The following ELP4 variants were observed in gnomAD, a reference collection of about 807,000 sequenced individuals.
ELP4 encodes the protein elongator complex protein 4.
Under a neutral mutation model 48.9 loss-of-function variants are expected in ELP4, and 51 were observed. The ratio of observed to expected loss-of-function variants is 1.04; its 90% CI spans 0.83 to 1.32. The LOEUF (loss-of-function observed/expected upper bound fraction) is 1.32. Among genes scored for constraint, ELP4 ranks in the 40% most tolerant of loss-of-function variants. The pLI, the probability that ELP4 is intolerant of heterozygous loss-of-function variation, is 0.00. For synonymous variants in ELP4, 210 were observed against 189.2 expected (o/e 1.11, Z -0.90); for missense variants, 519 against 514.6 (o/e 1.01, Z -0.08).
intron 9 of ELP4, among the ~76,000 whole-genome samples, chr11:31,753,020 C>A (rs1460786001): frequency 6.6e-6 from 1 of 152,090 alleles, no homozygotes; most frequent in Non-Finnish European, 1.5e-5. Context: ...GTATAAGGGT[C>A]ATCGAGAAGA....
chr11:31,716,292 C>G (rs1391255815), intron 9 of ELP4, among the ~76,000 whole-genome samples: 1 of 152,158 alleles, frequency 6.6e-6, no homozygotes, highest in African/African-American at 2.4e-5. Flanking sequence ...GGATTGCAGG[C>G]ACAAGCCACC....
At chr11:31,769,987 G>T (rs773103343) in intron 9 of ELP4, among the ~76,000 whole-genome samples, 5 of 152,120 alleles carry the variant, frequency 3.3e-5, no homozygotes, top group Non-Finnish European at 7.4e-5. Context: ...GGGTAGGAAA[G>T]GTACTTCCTA....
chr11:31,725,051 A>G (rs570037964), intron 9 of ELP4, among the ~76,000 whole-genome samples: 32 of 152,262 alleles, frequency 2.1e-4, no homozygotes, highest in African/African-American at 7.0e-4. Context: ...GGGCCAGGGG[A>G]AAAAGAGTGG....
intron 7 of ELP4, among the ~76,000 whole-genome samples, chr11:31,641,174 A>G (rs1190651007): frequency 6.6e-6 from 1 of 151,968 alleles, no homozygotes; most frequent in Non-Finnish European, 1.5e-5. Flanking sequence ...AACTCAGATC[A>G]TTAGATTATC....
At chr11:31,708,215 C>G (rs1384146447) in intron 9 of ELP4, among the ~76,000 whole-genome samples, 1 of 152,086 alleles carries the variant, frequency 6.6e-6, no homozygotes, top group East Asian at 1.9e-4. Context: ...TACAGGGAAA[C>G]CTTCTACTTC....
chr11:31,674,761 TCTCTCAAAC>T (rs1455854960), intron 9 of ELP4, among the ~76,000 whole-genome samples: 1 of 152,222 alleles, frequency 6.6e-6, no homozygotes, highest in Admixed American at 6.5e-5. Flanking sequence ...GCATGGCTTT[TCTCTCAAAC>T]CTGAAGGCAC....
chr11:31,665,353 G>GCT (rs948976365), intron 9 of ELP4, among the ~76,000 whole-genome samples: 7 of 151,314 alleles, frequency 4.6e-5, no homozygotes, highest in Non-Finnish European at 7.4e-5. Flanking sequence ...TCTCCCTCTC[G>GCT]CTCTCTCTCT....
At chr11:31,616,794 A>G (rs1944495096) in intron 5 of ELP4, among the ~76,000 whole-genome samples, 1 of 152,166 alleles carries the variant, frequency 6.6e-6, no homozygotes. Context: ...GATGATATAC[A>G]GAAGGCTAAC....
intron 9 of ELP4, among the ~76,000 whole-genome samples, chr11:31,746,884 A>G (rs912763756): frequency 2.6e-5 from 4 of 151,452 alleles, no homozygotes; most frequent in Admixed American, 2.6e-4. Flanking sequence ...AACTTAAAGT[A>G]TAATAATAAT....
At chr11:31,641,508 T>A (rs1945095918) in intron 7 of ELP4, among the ~76,000 whole-genome samples, 1 of 151,940 alleles carries the variant, frequency 6.6e-6, no homozygotes, top group Non-Finnish European at 1.5e-5. Context: ...ATCTTTATAT[T>A]TTTGCCAAAT....
At chr11:31,629,258 C>A (rs1165717789) in intron 6 of ELP4, among the ~76,000 whole-genome samples, 1 of 151,668 alleles carries the variant, frequency 6.6e-6, no homozygotes, top group Admixed American at 6.6e-5. Context: ...TGGATGTTCT[C>A]GTAGGAATAA....
intron 9 of ELP4, among the ~76,000 whole-genome samples, chr11:31,684,353 T>C (rs1841560955): frequency 6.6e-6 from 1 of 152,038 alleles, no homozygotes; most frequent in Admixed American, 6.6e-5. Context: ...ATTACAGATG[T>C]ATGCCACCAC....
intron 1 of ELP4, among the ~76,000 whole-genome samples, chr11:31,516,896 A>G (rs1956122956): frequency 6.6e-6 from 1 of 152,186 alleles, no homozygotes; most frequent in South Asian, 2.1e-4. Flanking sequence ...TTTAAATGCT[A>G]TATGAAGGAA....
intron 9 of ELP4, chr11:31,662,580 C>T (rs1289452023): frequency 1.0e-5 from 4 of 397,696 alleles, no homozygotes; most frequent in South Asian, 1.3e-4. Context: ...TTTTCTGTCT[C>T]GTCATTTACA....
intron 3 of ELP4, among the ~76,000 whole-genome samples, chr11:31,566,642 A>G (rs1008724695): frequency 3.9e-5 from 6 of 152,202 alleles, no homozygotes; most frequent in Non-Finnish European, 7.3e-5. Flanking sequence ...CAAAGATGCT[A>G]AGGGCATTTG....
intron 5 of ELP4, among the ~76,000 whole-genome samples, chr11:31,608,360 T>C (rs1235403983): frequency 6.6e-6 from 1 of 151,860 alleles, no homozygotes; most frequent in South Asian, 2.1e-4. Flanking sequence ...ACGGGGAAGA[T>C]GGAAGTGTTA....
intron 7 of ELP4, among the ~76,000 whole-genome samples, chr11:31,645,231 T>TG (rs1945176848): frequency 6.6e-6 from 1 of 151,808 alleles, no homozygotes; most frequent in African/African-American, 2.4e-5. Context: ...TCTGGAAAAT[T>TG]GTGAAATCTA....
chr11:31,546,441 T>G (rs955974667), intron 3 of ELP4, among the ~76,000 whole-genome samples: 2 of 152,138 alleles, frequency 1.3e-5, no homozygotes, highest in Admixed American at 6.5e-5. Context: ...CTAACTATCC[T>G]AAATATATAT....
At chr11:31,668,722 A>AG (rs1945738700) in intron 9 of ELP4, among the ~76,000 whole-genome samples, 6 of 53,692 alleles carry the variant, frequency 1.1e-4, no homozygotes, top group African/African-American at 3.6e-4. Flanking sequence ...GTGTGTGTGT[A>AG]AGAACCCTGT....
Sources: gnomAD v4.1 joint callset for allele counts (sites outside exome capture counted in the v4.1 genomes callset) on GRCh38, gnomAD v4.1.1 for gene constraint, MANE v1.5 for transcripts, NCBI Gene and HGNC (gene_info 2026-07-23, HGNC 2026-07-21) for gene names.